The following SLC35F3 variants were observed in gnomAD, a reference collection of about 807,000 sequenced individuals.
SLC35F3 encodes the protein putative thiamine transporter SLC35F3.
SLC35F3 carries 25 observed loss-of-function variants against 49.9 expected under a neutral mutation model. That is an observed-to-expected ratio of 0.50 (90% CI 0.37 to 0.70). The LOEUF (loss-of-function observed/expected upper bound fraction) is 0.70. Ranked by LOEUF, SLC35F3 falls within the 30% of genes least tolerant of loss-of-function variation. SLC35F3 has a pLI of 0.00. For synonymous variants in SLC35F3, 275 were observed against 265.4 expected, an observed-to-expected ratio of 1.04 and a Z score of -0.35; for missense variants, 525 against 639.8, an observed-to-expected ratio of 0.82 and a Z score of 1.94.
chr1:234,071,880 C>T (rs1664716305), intron 2 of SLC35F3, among the ~76,000 whole-genome samples: 1 of 152,208 alleles, frequency 6.6e-6, no homozygotes, highest in South Asian at 2.1e-4. Flanking sequence ...AGTTAAGAAA[C>T]TCCACTATCC....
intron 2 of SLC35F3, among the ~76,000 whole-genome samples, chr1:233,906,781 A>G (rs1490679982): frequency 6.6e-6 from 1 of 152,218 alleles, no homozygotes; most frequent in East Asian, 1.9e-4. Context: ...CTATCTTTAG[A>G]TTATTCCTAA....
At chr1:234,209,233 AATT>A (rs1254037233) in intron 2 of SLC35F3, among the ~76,000 whole-genome samples, 1 of 152,064 alleles carries the variant, frequency 6.6e-6, no homozygotes, top group East Asian at 1.9e-4. Flanking sequence ...TTTTTGGAAG[AATT>A]ATTAGCACTT....
intron 2 of SLC35F3, among the ~76,000 whole-genome samples, chr1:234,226,961 G>GCACACACA (rs57809897): frequency 0.035 from 5,148 of 148,660 alleles, 110 homozygotes; most frequent in African/African-American, 0.046. Context: ...GCGCACGCGT[G>GCACACACA]CACACACACA....
intron 2 of SLC35F3, among the ~76,000 whole-genome samples, chr1:234,186,661 G>A (rs1211012949): frequency 6.6e-6 from 1 of 152,176 alleles, no homozygotes; most frequent in African/African-American, 2.4e-5. Flanking sequence ...CACAACTTGG[G>A]TCTGATCATG....
At chr1:234,272,562 G>A (rs1430057540) in intron 3 of SLC35F3, 3 of 152,352 alleles carry the variant, frequency 2.0e-5, no homozygotes, top group African/African-American at 4.8e-5. Flanking sequence ...GAAGGAAGTC[G>A]AGAGATGGAT....
rs1188582574 is a variant in SLC35F3, at chr1:234,316,584, T to C, written c.829-18T>C. On this transcript the variant is annotated intron_variant, in intron 4 of 7. Transcript: ENST00000366618. ...CCGTCCCGACTTCCCTGACCAGCAT[T>C]TTCTTCCGTCTGTCCAGATTGTGGC... is the stretch of plus-strand genomic sequence containing the variant. The C allele has an allele frequency of 2.5e-6, 4 of 1,594,658 alleles. No individual in the cohort carries two copies. The highest frequency in any genetic ancestry group is 3.4e-6 in the Non-Finnish European group (4 of 1,164,294).
chr1:234,076,464 A>T (rs996081437), intron 2 of SLC35F3, among the ~76,000 whole-genome samples: 3 of 144,764 alleles, frequency 2.1e-5, no homozygotes, highest in South Asian at 2.2e-4. Context: ...CATCATAATA[A>T]TTTTTTTTTT....
In SLC35F3 at chr1:234,283,875, T is replaced by C. The variant is rs1323525424; in HGVS notation, c.609-25226T>C. 2.6e-5 allele frequency among the ~76,000 whole-genome samples: 4 copies of C among 152,246 alleles called. No homozygotes were observed. The East Asian group carries it at 7.7e-4, about 29-fold the overall frequency. On this transcript the variant is annotated intron_variant, in intron 3 of 7. Transcript: ENST00000366618. ...GTACCAATACCCCTTTTGTAGCTCT[T>C]ATACATGTCAGCAATCTTTAGACAC...
At position 234,320,228 on chromosome 1, in the gene SLC35F3, A is replaced by G; in HGVS notation, c.1237+41A>G. The G allele has an allele frequency of 7.1e-7, 1 of 1,412,868 alleles. No individual in the cohort carries two copies. Among genetic ancestry groups the G allele is most frequent in the Non-Finnish European group, 1.0e-6 (1 of 997,922 alleles). 87.5% of individuals were successfully genotyped at this position (1,412,868 alleles called of 1,614,324 possible). ...TTTCTATATCTGCACATAAGCACAC[A>G]CACTCAGTCACCTACTCACACACAC... On this transcript the variant is annotated intron_variant, in intron 7 of 7. Coordinates refer to ENST00000366618, the MANE Select transcript of SLC35F3 (RefSeq NM_173508.4). The surrounding 1 kb of genome is among the most constrained non-coding windows in gnomAD (Gnocchi z 4.8).
intron 2 of SLC35F3, among the ~76,000 whole-genome samples, chr1:234,104,802 T>G (rs914957150): frequency 6.6e-6 from 1 of 152,144 alleles, no homozygotes; most frequent in Non-Finnish European, 1.5e-5. Context: ...GCCCACCAGT[T>G]TGGATGAAAG....
rs56711595 is a variant in SLC35F3 at position 234,108,740 on chromosome 1, T to G, written c.284-122677T>G. ...AGATATATATAAATATATATATCTT[T>G]TATATATAAAAGATATATATAAATA... On this transcript the variant is annotated intron_variant, in intron 2 of 7. Coordinates refer to ENST00000366618, the MANE Select transcript of SLC35F3 (RefSeq NM_173508.4). Among the ~76,000 whole-genome samples, 19 of 80,358 alleles carry G rather than the reference T, an allele frequency of 2.4e-4. 1 individual carries two copies. The highest frequency in any genetic ancestry group is 1.1e-3 in the African/African-American group (19 of 17,868). The allele number at this position is 80,358 out of a possible 152,430, so 52.7% of individuals were successfully genotyped here.
chr1:234,309,893 G>A (rs1267424982), intron 4 of SLC35F3, among the ~76,000 whole-genome samples: 2 of 152,182 alleles, frequency 1.3e-5, no homozygotes, highest in African/African-American at 2.4e-5. Flanking sequence ...AACCAATGAC[G>A]AAGGGGGAGT....
intron 2 of SLC35F3, among the ~76,000 whole-genome samples, chr1:234,095,008 A>C (rs1665096995): frequency 1.3e-5 from 2 of 152,112 alleles, no homozygotes. Flanking sequence ...TGCACTTTAC[A>C]TCCACCCTCC....
In SLC35F3 at chr1:233,927,451, C is replaced by G. The variant is rs185070820; in HGVS notation, c.283+21693C>G. 1.5e-3 allele frequency among the ~76,000 whole-genome samples: 229 copies of G among 152,184 alleles called. 1 individual carries two copies. Among genetic ancestry groups the G allele is most frequent in the African/African-American group, 5.4e-3 (223 of 41,534 alleles). ...ACAAAAAATAAGAATAAGATTGATG[C>G]TAAACTCTCTCATTCTAGCAGTAAT... is the stretch of plus-strand genomic sequence containing the variant. On this transcript the variant is annotated intron_variant, in intron 2 of 7. Coordinates refer to ENST00000366618, the MANE Select transcript of SLC35F3 (RefSeq NM_173508.4).
chr1:234,105,773 C>T (rs1160293249), intron 2 of SLC35F3, among the ~76,000 whole-genome samples: 2 of 152,194 alleles, frequency 1.3e-5, no homozygotes, highest in African/African-American at 4.8e-5. Flanking sequence ...CAGTTTCCCT[C>T]CCTGGAGGAG....
intron 2 of SLC35F3, among the ~76,000 whole-genome samples, chr1:234,076,464 A>C (rs996081437): frequency 6.9e-6 from 1 of 144,694 alleles, no homozygotes; most frequent in Non-Finnish European, 1.5e-5. Context: ...CATCATAATA[A>C]TTTTTTTTTT....
chr1:234,214,387 G>A lies in SLC35F3; in HGVS notation c.284-17030G>A. The A allele has an allele frequency of 7.3e-7, 1 of 1,364,614 alleles. No homozygotes were observed. The highest frequency in any genetic ancestry group is 9.5e-7 in the Non-Finnish European group (1 of 1,057,966). 84.5% of individuals were successfully genotyped at this position (1,364,614 alleles called of 1,614,324 possible). A position where few individuals can be genotyped will look rare whatever the true frequency, so the allele number is the denominator to read the frequency against. On this transcript the variant is annotated intron_variant, in intron 2 of 7. Transcript: ENST00000366618. This position sits in a 1 kb window ranked among gnomAD's most constrained non-coding sequence, Gnocchi z 8.0. Reference sequence around the variant, plus strand: ...GGACTGAGAGGGGCGAGCCGCTGGTGCTCCCCGGCGGCAGAGGGCCGCGTC... The same window carrying A: ...GGACTGAGAGGGGCGAGCCGCTGGTACTCCCCGGCGGCAGAGGGCCGCGTC...
intron 2 of SLC35F3, among the ~76,000 whole-genome samples, chr1:234,194,503 C>G (rs1666774814): frequency 6.6e-6 from 1 of 152,098 alleles, no homozygotes; most frequent in South Asian, 2.1e-4. Flanking sequence ...GCGTTTACTG[C>G]TCAGGTGATG....
At chr1:234,300,195 C>G (rs1668672679) in intron 3 of SLC35F3, among the ~76,000 whole-genome samples, 1 of 152,136 alleles carries the variant, frequency 6.6e-6, no homozygotes, top group South Asian at 2.1e-4. Flanking sequence ...GGCTGACGAA[C>G]AGAAACGCAG....
Sources: gnomAD v4.1 joint callset for allele counts (sites outside exome capture counted in the v4.1 genomes callset) on GRCh38, gnomAD v4.1.1 for gene constraint, Gnocchi (gnomAD v3.1) non-coding constraint, MANE v1.5 for transcripts, NCBI Gene and HGNC (gene_info 2026-07-23, HGNC 2026-07-21) for gene names.